The following NYAP2 variants were observed in gnomAD, a reference collection of about 807,000 sequenced individuals.
The protein encoded by NYAP2 is neuronal tyrosine-phosphorylated phosphoinositide-3-kinase adaptor 2, also known as neuronal tyrosine-phosphorylated phosphoinositide-3-kinase adapter 2.
NYAP2 carries 23 observed loss-of-function variants against 50.4 expected under a neutral mutation model. That is an observed-to-expected ratio of 0.46 (90% confidence interval 0.33 to 0.65). NYAP2 has a LOEUF of 0.65. NYAP2 is among the 30% of genes least tolerant of loss of function. The probability of loss-of-function intolerance (pLI) is 0.02; values close to 1 mark genes in which losing one functional copy is unlikely to be tolerated. For missense variants in NYAP2, 885 were observed against 861.0 expected (o/e 1.03, Z -0.35); for synonymous variants, 394 against 365.2 (o/e 1.08, Z -0.90).
the NYAP2 span, among the ~76,000 whole-genome samples, chr2:225,663,246 G>T: frequency 6.6e-6 from 1 of 152,248 alleles, no homozygotes; most frequent in South Asian, 2.1e-4. Flanking sequence ...AGTCTCGCAA[G>T]ATGACTCTGC....
chr2:225,529,080 G>C (rs1691205661), intron 4 of NYAP2, among the ~76,000 whole-genome samples: 1 of 152,142 alleles, frequency 6.6e-6, no homozygotes, highest in South Asian at 2.1e-4. Flanking sequence ...AGAAAGTATT[G>C]TGCTAAATTA....
intron 4 of NYAP2, among the ~76,000 whole-genome samples, chr2:225,550,672 T>C (rs1691657995): frequency 6.6e-6 from 1 of 152,112 alleles, no homozygotes; most frequent in Non-Finnish European, 1.5e-5. Context: ...AATGAAACCA[T>C]GTTAGAATGG....
chr2:225,606,892 G>T (rs1423894237), intron 5 of NYAP2, among the ~76,000 whole-genome samples: 1 of 151,952 alleles, frequency 6.6e-6, no homozygotes, highest in Non-Finnish European at 1.5e-5. Context: ...CTGTATTTCG[G>T]CTGTCTGATT....
At chr2:225,648,538 A>G (rs1693675333) in intron 6 of NYAP2, among the ~76,000 whole-genome samples, 1 of 152,132 alleles carries the variant, frequency 6.6e-6, no homozygotes, top group South Asian at 2.1e-4. Flanking sequence ...ATGAGTTGAG[A>G]TAACTATAAG....
intron 4 of NYAP2, among the ~76,000 whole-genome samples, chr2:225,530,333 A>G (rs1388293249): frequency 2.6e-5 from 4 of 152,070 alleles, no homozygotes; most frequent in Non-Finnish European, 4.4e-5. Context: ...CCTCCTGCAC[A>G]TGTTTGCTCT....
intron 5 of NYAP2, among the ~76,000 whole-genome samples, chr2:225,604,203 C>A (rs1692745786): frequency 6.6e-6 from 1 of 151,976 alleles, no homozygotes; most frequent in Non-Finnish European, 1.5e-5. Context: ...GAGCAGATGG[C>A]AGACACCTAA....
At chr2:225,651,333 C>A in intron 6 of NYAP2, 99 bp from the exon 7 acceptor site, 1 of 1,489,694 alleles carries the variant, frequency 6.7e-7, no homozygotes. Flanking sequence ...TTTGTATATT[C>A]CAAGAATAAG....
chr2:225,534,660 T>C (rs1275375840), intron 4 of NYAP2, among the ~76,000 whole-genome samples: 1 of 152,182 alleles, frequency 6.6e-6, no homozygotes, highest in African/African-American at 2.4e-5. Context: ...AGCTAAAATA[T>C]TGTATCAGTC....
At chr2:225,569,959 T>C (rs1692037748) in intron 4 of NYAP2, among the ~76,000 whole-genome samples, 1 of 152,144 alleles carries the variant, frequency 6.6e-6, no homozygotes, top group Non-Finnish European at 1.5e-5. Context: ...GTGTAAAGGA[T>C]GGAATGGCAG....
intron 5 of NYAP2, among the ~76,000 whole-genome samples, chr2:225,599,291 C>T (rs1197809215): frequency 6.6e-6 from 1 of 152,138 alleles, no homozygotes; most frequent in Admixed American, 6.6e-5. Context: ...CACTCACTTG[C>T]ATTCAAATAT....
At chr2:225,575,824 A>G (rs1692161220) in intron 4 of NYAP2, among the ~76,000 whole-genome samples, 1 of 152,210 alleles carries the variant, frequency 6.6e-6, no homozygotes, top group Non-Finnish European at 1.5e-5. Context: ...AGGATTTTCC[A>G]AACATTCTTG....
In NYAP2 at chr2:225,426,984, A is replaced by C. The variant is rs114365324; in HGVS notation, c.221+17883A>C. 1.2e-3 allele frequency among the ~76,000 whole-genome samples: 176 copies of C among 152,334 alleles called. 1 individual carries two copies. The highest frequency in any genetic ancestry group is 4.1e-3 in the African/African-American group (171 of 41,592). On this transcript the variant is annotated intron_variant, in intron 3 of 6. Coordinates refer to ENST00000636099, the Ensembl canonical transcript of NYAP2. ...CATATAGCAAGTCATTGCTAAATTT[A>C]AAAGAAAAATAAGACTAGTTCCAAC...
At chr2:225,480,415 C>A (rs1475379379) in intron 3 of NYAP2, among the ~76,000 whole-genome samples, 1 of 151,846 alleles carries the variant, frequency 6.6e-6, no homozygotes, top group Non-Finnish European at 1.5e-5. Context: ...AAGATGAAAA[C>A]CAAGTGGGTG....
intron 6 of NYAP2, among the ~76,000 whole-genome samples, chr2:225,630,491 G>A (rs915702604): frequency 1.3e-5 from 2 of 152,140 alleles, no homozygotes; most frequent in Non-Finnish European, 2.9e-5. Context: ...GGTCAGAACT[G>A]GCAAACATCT....
chr2:225,594,096 G>A (rs1692557668), intron 5 of NYAP2, among the ~76,000 whole-genome samples: 1 of 152,158 alleles, frequency 6.6e-6, no homozygotes, highest in South Asian at 2.1e-4. Context: ...TGAATGAGCT[G>A]TGAAAATTGA....
At chr2:225,567,058 G>A (rs995362867) in intron 4 of NYAP2, among the ~76,000 whole-genome samples, 1 of 152,118 alleles carries the variant, frequency 6.6e-6, no homozygotes, top group East Asian at 1.9e-4. Flanking sequence ...AACCCAGACG[G>A]CATAGCTTTG....
intron 4 of NYAP2, among the ~76,000 whole-genome samples, chr2:225,580,632 T>A (rs1294775070): frequency 6.6e-6 from 1 of 152,238 alleles, no homozygotes; most frequent in Non-Finnish European, 1.5e-5. Flanking sequence ...ACATAGTCAC[T>A]GCTAGAATAT....
chr2:225,567,903 A>G (rs1691989276), intron 4 of NYAP2, among the ~76,000 whole-genome samples: 1 of 152,166 alleles, frequency 6.6e-6, no homozygotes, highest in Non-Finnish European at 1.5e-5. Flanking sequence ...GAAAAATCAT[A>G]CTGGCTGTGG....
chr2:225,498,206 A>G (rs982809248), intron 3 of NYAP2, among the ~76,000 whole-genome samples: 1 of 152,092 alleles, frequency 6.6e-6, no homozygotes, highest in Non-Finnish European at 1.5e-5. Flanking sequence ...TATCTTCACA[A>G]ATTGTATAAT....
Sources: allele counts gnomAD v4.1 joint callset (sites outside exome capture counted in the v4.1 genomes callset), GRCh38; gene constraint gnomAD v4.1.1; transcripts MANE v1.5; gene names NCBI Gene and HGNC (gene_info 2026-07-23, HGNC 2026-07-21).